CYTH1: variants seen among roughly 807,000 people sequenced by gnomAD.
CYTH1 encodes the protein cytohesin 1.
A neutral mutation model predicts 61.8 loss-of-function variants in CYTH1; 18 were observed. That is an observed-to-expected ratio of 0.29 (90% CI 0.20 to 0.43). The LOEUF (loss-of-function observed/expected upper bound fraction) is 0.43. Ranked by LOEUF, CYTH1 falls within the 20% of genes least tolerant of loss-of-function variation. The pLI, the probability that CYTH1 is intolerant of heterozygous loss-of-function variation, is 1.00. For synonymous variants in CYTH1, 174 were observed against 184.3 expected, an observed-to-expected ratio of 0.94 and a Z score of 0.45; for missense variants, 336 against 510.5, an observed-to-expected ratio of 0.66 and a Z score of 3.29.
In CYTH1 at chr17:78,700,239, C is replaced by T. The variant is rs1002221999; in HGVS notation, c.550+92G>A. Reference sequence around the variant, plus strand: ...TGAGTAAACGTTCCTAGGCATGAATCTCAGCCCTTTTGTTTTAGAAATTAT... The same window carrying T: ...TGAGTAAACGTTCCTAGGCATGAATTTCAGCCCTTTTGTTTTAGAAATTAT... On this transcript the variant is annotated intron_variant, in intron 7 of 13. Transcript: ENST00000446868. The surrounding 1 kb of genome is among the most constrained non-coding windows in gnomAD (Gnocchi z 5.1). 28 of 1,126,116 alleles carry T rather than the reference C, an allele frequency of 2.5e-5. No individual in the cohort carries two copies. In the African/African-American group the frequency reaches 4.1e-4, roughly 17 times the overall value. 69.8% of individuals were successfully genotyped at this position (1,126,116 alleles called of 1,614,324 possible). A position where few individuals can be genotyped will look rare whatever the true frequency, so the allele number is the denominator to read the frequency against.
At chr17:78,692,330 G>A (rs530348364) in intron 11 of CYTH1, 87 bp downstream of exon 11, 29 of 1,348,618 alleles carry the variant, frequency 2.2e-5, no homozygotes, top group East Asian at 1.2e-4. Flanking sequence ...CAAATCCAAC[G>A]GTCTCCTCAA....
chr17:78,726,969 C>T (rs1250146506), intron 1 of CYTH1, among the ~76,000 whole-genome samples: 3 of 152,220 alleles, frequency 2.0e-5, no homozygotes, highest in Non-Finnish European at 4.4e-5. Context: ...CTACTGACTT[C>T]CCATCCTCTT....
At chr17:78,709,618 A>G (rs775485908) in intron 2 of CYTH1, 32 bp downstream of exon 2, 1 of 1,609,524 alleles carries the variant, frequency 6.2e-7, no homozygotes, top group Non-Finnish European at 8.5e-7. Flanking sequence ...TGTGGTTCTT[A>G]CGTTGGTGAA....
chr17:78,775,547 T>C (rs1206924669), intron 1 of CYTH1, among the ~76,000 whole-genome samples: 1 of 152,190 alleles, frequency 6.6e-6, no homozygotes, highest in Non-Finnish European at 1.5e-5. Context: ...AACTTGAAAT[T>C]TGTTCTTTCT....
intron 1 of CYTH1, among the ~76,000 whole-genome samples, chr17:78,733,747 CAAG>C (rs1357557987): frequency 1.3e-5 from 2 of 152,220 alleles, no homozygotes; most frequent in Non-Finnish European, 2.9e-5. Flanking sequence ...CCCAGATGGA[CAAG>C]AACAGAATGG....
intron 1 of CYTH1, among the ~76,000 whole-genome samples, chr17:78,740,014 C>T (rs918716071): frequency 7.9e-5 from 12 of 152,202 alleles, no homozygotes; most frequent in African/African-American, 2.7e-4. Flanking sequence ...CGGCTCACTG[C>T]AACCTCTGCC....
chr17:78,711,818 C>A (rs568125202), intron 1 of CYTH1, among the ~76,000 whole-genome samples: 2 of 151,730 alleles, frequency 1.3e-5, no homozygotes, highest in African/African-American at 2.4e-5. Context: ...TTGTAGCTCA[C>A]GCCTGTAATC....
At chr17:78,684,319 G>C (rs1042049573) in intron 11 of CYTH1, among the ~76,000 whole-genome samples, 1 of 152,226 alleles carries the variant, frequency 6.6e-6, no homozygotes, top group African/African-American at 2.4e-5. Flanking sequence ...GAGAACCACT[G>C]ATGGAAACAA....
intron 1 of CYTH1, among the ~76,000 whole-genome samples, chr17:78,774,816 C>G (rs549487971): frequency 1.3e-5 from 2 of 152,210 alleles, no homozygotes; most frequent in African/African-American, 4.8e-5. Flanking sequence ...GGTCACAAAC[C>G]GTAATACATA....
intron 1 of CYTH1, among the ~76,000 whole-genome samples, chr17:78,752,623 G>A (rs34002655): frequency 0.052 from 7,944 of 152,158 alleles, 385 homozygotes; most frequent in South Asian, 0.12. Context: ...AGTAGAGACA[G>A]GGTTTCATTA....
chr17:78,743,611 C>T (rs1216899713), intron 1 of CYTH1, among the ~76,000 whole-genome samples: 1 of 152,196 alleles, frequency 6.6e-6, no homozygotes, highest in East Asian at 1.9e-4. Context: ...CCAAGCATTT[C>T]AGATAAGAAA....
At chr17:78,779,661 G>C (rs1180088028) in intron 1 of CYTH1, among the ~76,000 whole-genome samples, 1 of 152,192 alleles carries the variant, frequency 6.6e-6, no homozygotes, top group Non-Finnish European at 1.5e-5. Flanking sequence ...GAGGTCGAGA[G>C]AAATGAGAAG....
At chr17:78,696,951 A>G (rs1010609286) in intron 9 of CYTH1, among the ~76,000 whole-genome samples, 2 of 152,194 alleles carry the variant, frequency 1.3e-5, no homozygotes, top group Non-Finnish European at 2.9e-5. Context: ...GTAATTTTAG[A>G]GCCTTAACTT....
At chr17:78,756,322 C>T (rs569014982) in intron 1 of CYTH1, among the ~76,000 whole-genome samples, 6 of 152,154 alleles carry the variant, frequency 3.9e-5, no homozygotes, top group African/African-American at 1.4e-4. Context: ...GTGATCCACT[C>T]GCCTCGGCCT....
In CYTH1 at chr17:78,680,163, C is replaced by A. The variant is rs1357429858; in HGVS notation, c.1118+27G>T. The stretch of plus-strand genomic sequence containing the variant: ...TGAGGTGAGGGCTGCACCAGGCGCG[C>A]ACTGCCCTTTCTCAGCAGTCACTTA... On this transcript the variant is annotated intron_variant, in intron 13 of 13. Coordinates refer to ENST00000446868, the MANE Select transcript of CYTH1 (RefSeq NM_004762.6). The A allele has an allele frequency of 3.7e-6, 6 of 1,613,256 alleles. No homozygotes were observed. The East Asian group carries it at 1.1e-4, about 30-fold the overall frequency.
chr17:78,693,667 C>T (rs147868899), intron 10 of CYTH1, among the ~76,000 whole-genome samples: 46 of 151,288 alleles, frequency 3.0e-4, no homozygotes, highest in African/African-American at 1.0e-3. Context: ...GGGGTTGGGG[C>T]CGTGAAGTTA....
At chr17:78,734,863 CG>C (rs1479933509) in intron 1 of CYTH1, among the ~76,000 whole-genome samples, 5 of 152,094 alleles carry the variant, frequency 3.3e-5, no homozygotes, top group Admixed American at 3.3e-4. Flanking sequence ...TTCTTTAGGG[CG>C]TAAGTCTAGT....
chr17:78,750,603 C>T (rs541015067), intron 1 of CYTH1, among the ~76,000 whole-genome samples: 1 of 152,134 alleles, frequency 6.6e-6, no homozygotes, highest in East Asian at 1.9e-4. Flanking sequence ...GGTCAGAGTT[C>T]GAGACCAGCC....
rs922488769 is a variant in CYTH1 at position 78,676,945 on chromosome 17, T to C, written c.1119-776A>G. The stretch of plus-strand genomic sequence containing the variant: ...GGGAAGCTGTATCCTAAGTGATGAT[T>C]TGTTCCAGAGCTCGGGCACAAGCCT... On this transcript the variant is annotated intron_variant, in intron 13 of 13. Transcript: ENST00000446868. 78 of 452,564 alleles carry C rather than the reference T, an allele frequency of 1.7e-4. No individual in the cohort carries two copies. The Admixed American group carries it at 1.8e-3, about 11-fold the overall frequency. 28.0% of individuals were successfully genotyped at this position (452,564 alleles called of 1,614,324 possible).
Sources: allele counts gnomAD v4.1 joint callset (sites outside exome capture counted in the v4.1 genomes callset), GRCh38; gene constraint gnomAD v4.1.1; non-coding constraint Gnocchi (gnomAD v3.1); transcripts MANE v1.5; gene names NCBI Gene and HGNC (gene_info 2026-07-23, HGNC 2026-07-21).